The following MMP20 variants were observed in gnomAD, a reference collection of about 807,000 sequenced individuals.
MMP20 encodes matrix metalloproteinase-20.
A neutral mutation model predicts 51.8 loss-of-function variants in MMP20; 50 were observed. That is an observed-to-expected ratio of 0.97 (90% CI 0.77 to 1.22). MMP20 has a LOEUF of 1.22. MMP20 is among the 50% of genes most tolerant of loss of function. The probability of loss-of-function intolerance (pLI) is 0.00; values close to 1 mark genes in which losing one functional copy is unlikely to be tolerated. For synonymous variants in MMP20, 244 were observed against 216.2 expected, an observed-to-expected ratio of 1.13 and a Z score of -1.13; for missense variants, 663 against 601.4, an observed-to-expected ratio of 1.10 and a Z score of -1.07.
At chr11:102,618,948 CT>C in intron 1 of MMP20, among the ~76,000 whole-genome samples, 1 of 152,266 alleles carries the variant, frequency 6.6e-6, no homozygotes, top group East Asian at 1.9e-4. Context: ...GAGAAGATCG[CT>C]TTCCCCATTG....
chr11:102,622,602 A>T (rs1285843254), intron 1 of MMP20, among the ~76,000 whole-genome samples: 1 of 151,910 alleles, frequency 6.6e-6, no homozygotes, highest in Non-Finnish European at 1.5e-5. Flanking sequence ...CCAGTCAGCA[A>T]CACTCTGTCA....
intron 2 of MMP20, 45 bp from the exon 3 acceptor site, chr11:102,611,948 G>A (rs375949745): frequency 1.0e-4 from 164 of 1,580,490 alleles, no homozygotes; most frequent in South Asian, 8.4e-4. Context: ...TAACTGCTCC[G>A]AAGAAGGCAA....
chr11:102,618,493 A>T (rs754016449), intron 1 of MMP20, among the ~76,000 whole-genome samples: 1 of 151,778 alleles, frequency 6.6e-6, no homozygotes, highest in Non-Finnish European at 1.5e-5. Flanking sequence ...GGGATTTATT[A>T]TATATATTAT....
At chr11:102,620,088 A>C (rs1484370209) in intron 1 of MMP20, among the ~76,000 whole-genome samples, 1 of 151,212 alleles carries the variant, frequency 6.6e-6, no homozygotes, top group Non-Finnish European at 1.5e-5. Flanking sequence ...ATTTCTTATC[A>C]CTCTCACCTG....
chr11:102,604,159 C>A (rs1373734024), intron 6 of MMP20, among the ~76,000 whole-genome samples: 3 of 152,108 alleles, frequency 2.0e-5, no homozygotes, highest in Non-Finnish European at 4.4e-5. Flanking sequence ...TGCATGATGG[C>A]TAGCACCTCA....
At chr11:102,592,275 C>G (rs1180075278) in intron 8 of MMP20, among the ~76,000 whole-genome samples, 2 of 152,178 alleles carry the variant, frequency 1.3e-5, no homozygotes, top group Non-Finnish European at 2.9e-5. Context: ...AGAAAAATAG[C>G]TGGCCTAGTG....
chr11:102,602,051 G>C (rs550037820), intron 6 of MMP20, among the ~76,000 whole-genome samples: 2 of 146,524 alleles, frequency 1.4e-5, no homozygotes, highest in Non-Finnish European at 3.0e-5. Flanking sequence ...CCGGGTTCAC[G>C]CCATTCTCCT....
chr11:102,623,662 G>A (rs1859779824), intron 1 of MMP20, among the ~76,000 whole-genome samples: 1 of 152,146 alleles, frequency 6.6e-6, no homozygotes, highest in African/African-American at 2.4e-5. Flanking sequence ...TTTGCTTCTA[G>A]GCTAACCTCT....
At position 102,601,942 on chromosome 11, in the gene MMP20, T is replaced by A. The variant is rs1380596596; in HGVS notation, c.953+4593A>T. ...ATAACCCTTAAAAATGCTTTTCTTT[T>A]CTTTCTTTCTTTTTTTTTTTTTTTT... On this transcript the variant is annotated intron_variant, in intron 6 of 9. Coordinates refer to ENST00000260228, the MANE Select transcript of MMP20 (RefSeq NM_004771.4). Among the ~76,000 whole-genome samples, 3 of 127,870 alleles carry A rather than the reference T, an allele frequency of 2.3e-5. No individual in the cohort carries two copies. In the East Asian group the frequency reaches 7.2e-4, roughly 31 times the overall value. The allele number at this position is 127,870 out of a possible 152,430, so 83.9% of individuals were successfully genotyped here.
At chr11:102,596,421 A>G (rs1565393058) in intron 6 of MMP20, among the ~76,000 whole-genome samples, 1 of 152,198 alleles carries the variant, frequency 6.6e-6, no homozygotes, top group Non-Finnish European at 1.5e-5. Flanking sequence ...CATGGGAAAA[A>G]TAATTTCCTG....
intron 2 of MMP20, among the ~76,000 whole-genome samples, chr11:102,614,582 C>T (rs1859643316): frequency 6.6e-6 from 1 of 152,288 alleles, no homozygotes; most frequent in East Asian, 1.9e-4. Context: ...TTGTCTTATT[C>T]TTACTATTTC....
chr11:102,606,843 A>G (rs1424777914), intron 5 of MMP20, 167 bp from the exon 6 acceptor site: 2 of 750,528 alleles, frequency 2.7e-6, no homozygotes, highest in African/African-American at 1.7e-5. Flanking sequence ...CTGGTTGCTG[A>G]GCTGTGTGAT....
At chr11:102,616,544 C>T (rs1436558682) in intron 2 of MMP20, among the ~76,000 whole-genome samples, 1 of 152,080 alleles carries the variant, frequency 6.6e-6, no homozygotes, top group Non-Finnish European at 1.5e-5. Flanking sequence ...TAATCCTAGA[C>T]TAGATTAAAG....
chr11:102,585,420 A>G (rs1217443995), intron 8 of MMP20, among the ~76,000 whole-genome samples: 3 of 152,210 alleles, frequency 2.0e-5, no homozygotes, highest in Non-Finnish European at 4.4e-5. Context: ...GTTCAGGTGT[A>G]TAAAAACACA....
chr11:102,605,842 G>T (rs1859507893), intron 6 of MMP20, among the ~76,000 whole-genome samples: 1 of 152,176 alleles, frequency 6.6e-6, no homozygotes, highest in African/African-American at 2.4e-5. Flanking sequence ...TTGCCTCCAT[G>T]GAAAGAAGTA....
intron 1 of MMP20, 28 bp downstream of exon 1, chr11:102,625,166 A>C (rs775094447): frequency 6.2e-7 from 1 of 1,613,104 alleles, no homozygotes; most frequent in Non-Finnish European, 8.5e-7. Flanking sequence ...CAGAGGAGCA[A>C]GAAGGAATTG....
At chr11:102,598,995 G>T (rs917210134) in intron 6 of MMP20, among the ~76,000 whole-genome samples, 4 of 147,712 alleles carry the variant, frequency 2.7e-5, no homozygotes, top group African/African-American at 7.5e-5. Flanking sequence ...TTGTGGGAAG[G>T]GGTGTCTTTC....
chr11:102,590,616 T>C (rs1859306290), intron 8 of MMP20, among the ~76,000 whole-genome samples: 1 of 152,188 alleles, frequency 6.6e-6, no homozygotes, highest in South Asian at 2.1e-4. Flanking sequence ...ATTACTTACG[T>C]CACAGACTGA....
chr11:102,611,666 G>C (rs1859601353), intron 3 of MMP20, 89 bp downstream of exon 3: 2 of 1,494,226 alleles, frequency 1.3e-6, no homozygotes, highest in Admixed American at 3.4e-5. Flanking sequence ...AAGGAGGAGT[G>C]TGTGATCACT....
Sources: gnomAD v4.1 joint callset for allele counts (sites outside exome capture counted in the v4.1 genomes callset) on GRCh38, gnomAD v4.1.1 for gene constraint, MANE v1.5 for transcripts, NCBI Gene and HGNC (gene_info 2026-07-23, HGNC 2026-07-21) for gene names.